Variants in ST3GAL3 observed in about 807,000 individuals in gnomAD.
The protein encoded by ST3GAL3 is CMP-N-acetylneuraminate-beta-1,4-galactoside alpha-2,3-sialyltransferase.
In ST3GAL3, 21 loss-of-function variants were observed where a neutral mutation model predicts 50.1. The observed-to-expected ratio is 0.42, with a 90% CI of 0.30 to 0.60. The LOEUF is 0.60. ST3GAL3 is among the 20% of genes least tolerant of loss of function. The pLI is 0.19. For missense variants in ST3GAL3, 353 were observed against 489.4 expected (o/e 0.72, Z 2.63); for synonymous variants, 183 against 190.0 (o/e 0.96, Z 0.30).
rs151294893 is a variant in ST3GAL3, at chr1:43,781,604, G to A, written c.119-10498G>A. Among the ~76,000 whole-genome samples the A allele has an allele frequency of 5.7e-3, 773 of 136,422 alleles. 14 individuals are homozygous for A. Among genetic ancestry groups the A allele is most frequent in the African/African-American group, 0.019 (717 of 36,846 alleles). The allele number at this position is 136,422 out of a possible 152,430, so 89.5% of individuals were successfully genotyped here. ...CCAGCCTGGGTGGCAGAGCAAGACTGTCTCAAAAAAAAAAAAAAGATTTTT... is the reference window on the plus strand; with the variant it reads ...CCAGCCTGGGTGGCAGAGCAAGACTATCTCAAAAAAAAAAAAAAGATTTTT... On this transcript the variant is annotated intron_variant, in intron 2 of 11. Coordinates refer to ENST00000347631, the MANE Select transcript of ST3GAL3 (RefSeq NM_006279.5).
chr1:43,830,610 TG>T (rs2063415008), intron 4 of ST3GAL3, among the ~76,000 whole-genome samples: 1 of 152,232 alleles, frequency 6.6e-6, no homozygotes, highest in South Asian at 2.1e-4. Flanking sequence ...TATCTTATAC[TG>T]GGGACCTATA....
At chr1:43,896,977 TA>T (rs1402977843) in intron 6 of ST3GAL3, among the ~76,000 whole-genome samples, 21 of 152,292 alleles carry the variant, frequency 1.4e-4, no homozygotes, top group African/African-American at 4.8e-4. Context: ...ATATTCTTCA[TA>T]TTTTTTTAAT....
chr1:43,925,874 G>C (rs1426998620), intron 11 of ST3GAL3, among the ~76,000 whole-genome samples: 2 of 152,238 alleles, frequency 1.3e-5, no homozygotes, highest in African/African-American at 4.8e-5. Context: ...TAAGATGAGG[G>C]CTGAGAGGTG....
intron 2 of ST3GAL3, chr1:43,771,786 A>C: frequency 2.6e-6 from 1 of 386,400 alleles, no homozygotes; most frequent in Non-Finnish European, 4.5e-6. Context: ...TATCTGCACT[A>C]TCCAGATCAT....
intron 3 of ST3GAL3, among the ~76,000 whole-genome samples, chr1:43,809,664 T>A (rs909046706): frequency 2.6e-5 from 4 of 151,730 alleles, no homozygotes; most frequent in Non-Finnish European, 4.4e-5. Flanking sequence ...GCCACCACAC[T>A]CCAGGCTGGG....
At chr1:43,918,405 AC>A (rs1316412335) in intron 9 of ST3GAL3, among the ~76,000 whole-genome samples, 2 of 152,194 alleles carry the variant, frequency 1.3e-5, no homozygotes, top group Non-Finnish European at 2.9e-5. Context: ...GGCATGAGCC[AC>A]CACGCCCAGC....
chr1:43,850,906 T>C (rs77932819), intron 5 of ST3GAL3: 52,886 of 1,234,362 alleles, frequency 0.043, 1,359 homozygotes, highest in Non-Finnish European at 0.049. Context: ...AGAATCTCTT[T>C]GCCAGTCTTG....
intron 5 of ST3GAL3, among the ~76,000 whole-genome samples, chr1:43,868,726 G>A (rs1439923515): frequency 6.6e-6 from 1 of 151,960 alleles, no homozygotes; most frequent in Admixed American, 6.6e-5. Flanking sequence ...CTCTAGCAAA[G>A]TTGCCTGGCT....
chr1:43,736,535 G>T, intron 2 of ST3GAL3, 155 bp downstream of exon 2: 1 of 1,281,266 alleles, frequency 7.8e-7, no homozygotes, highest in Non-Finnish European at 1.1e-6. Flanking sequence ...TGCCATTTTA[G>T]CTGGTATAGG....
intron 3 of ST3GAL3, among the ~76,000 whole-genome samples, chr1:43,804,692 G>A (rs1228774794): frequency 1.3e-5 from 2 of 152,208 alleles, no homozygotes; most frequent in Admixed American, 6.5e-5. Flanking sequence ...CAGACAGTTA[G>A]TTGCGCCTAA....
At chr1:43,720,825 G>A (rs191346015) in intron 1 of ST3GAL3, among the ~76,000 whole-genome samples, 35 of 152,254 alleles carry the variant, frequency 2.3e-4, no homozygotes, top group Non-Finnish European at 4.9e-4. Flanking sequence ...AAATGTATAC[G>A]TGAATGTTCA....
In ST3GAL3 at chr1:43,920,516, G is replaced by T. The variant is rs1487803299; in HGVS notation, c.857G>T (p.Gly286Val). Residue 286 changes from glycine to valine, a missense_variant, in exon 10 of 12, where the codon GGC (glycine) becomes GTC (valine). Physicochemically the swap from Gly to Val is moderately radical, Grantham distance 109 (BLOSUM62 -3). Transcript: ENST00000347631. ...CAGGAGGCCGCCTTCACCCTCATTG[G>T]CCTGCCCTTCAACAATGGCCTCATG... The part of the protein sequence containing the change: ...FIQEAAFTLI[G>V]LPFNNGLMGR... 1 of 1,614,200 alleles carries T rather than the reference G, an allele frequency of 6.2e-7. No homozygotes were observed. Among genetic ancestry groups the T allele is most frequent in the Non-Finnish European group, 8.5e-7 (1 of 1,180,044 alleles).
At chr1:43,926,605 CA>C (rs35218617) in intron 11 of ST3GAL3, among the ~76,000 whole-genome samples, 1 of 150,340 alleles carries the variant, frequency 6.7e-6, no homozygotes, top group East Asian at 2.0e-4. Flanking sequence ...AACTCCGTCT[CA>C]AAAAAAAATA....
rs1018501954 is a variant in ST3GAL3 at position 43,721,206 on chromosome 1, C to A, written c.-31+13513C>A. 3.3e-5 allele frequency among the ~76,000 whole-genome samples: 5 copies of A among 150,364 alleles called. No individual in the cohort carries two copies. In the East Asian group the frequency reaches 7.9e-4, roughly 24 times the overall value. ...GCTGCAGTGTGATATGATCGTACCA[C>A]TGCACTCTAGCCTGTGCAACAGAGC... is the stretch of plus-strand genomic sequence containing the variant. On this transcript the variant is annotated intron_variant, in intron 1 of 11. Transcript: ENST00000347631.
At chr1:43,824,730 G>C in intron 4 of ST3GAL3, 1 of 1,614,018 alleles carries the variant, frequency 6.2e-7, no homozygotes, top group Non-Finnish European at 8.5e-7. Context: ...CCACTTTGCA[G>C]CTCACCGAGG....
chr1:43,721,991 G>T (rs1670718452), intron 1 of ST3GAL3, among the ~76,000 whole-genome samples: 2 of 152,066 alleles, frequency 1.3e-5, no homozygotes, highest in African/African-American at 4.8e-5. Context: ...GGATAAAATG[G>T]TGAACAAAAT....
At chr1:43,779,916 A>G (rs747929125) in intron 2 of ST3GAL3, among the ~76,000 whole-genome samples, 1 of 152,184 alleles carries the variant, frequency 6.6e-6, no homozygotes, top group Non-Finnish European at 1.5e-5. Flanking sequence ...TAGATTGTCT[A>G]TCAGCTTCAT....
At chr1:43,854,562 T>C (rs1025173005) in intron 5 of ST3GAL3, among the ~76,000 whole-genome samples, 2 of 152,172 alleles carry the variant, frequency 1.3e-5, no homozygotes, top group African/African-American at 4.8e-5. Context: ...AGCTCTCCTC[T>C]CTTCTCACTC....
intron 3 of ST3GAL3, among the ~76,000 whole-genome samples, chr1:43,800,098 G>C (rs1411571194): frequency 1.3e-5 from 2 of 152,110 alleles, no homozygotes; most frequent in East Asian, 3.9e-4. Flanking sequence ...CGTTGGAGAA[G>C]AGCTGTGCTG....
Sources: allele counts gnomAD v4.1 joint callset (sites outside exome capture counted in the v4.1 genomes callset), GRCh38; gene constraint gnomAD v4.1.1; transcripts MANE v1.5; gene names NCBI Gene and HGNC (gene_info 2026-07-23, HGNC 2026-07-21).